The following GSE1 variants were observed in gnomAD, a reference collection of about 807,000 sequenced individuals.
The protein encoded by GSE1 is genetic suppressor element 1.
A neutral mutation model predicts 112.6 loss-of-function variants in GSE1; 32 were observed. The ratio of observed to expected loss-of-function variants is 0.28; its 90% CI spans 0.21 to 0.38. The LOEUF is 0.38. Ranked by LOEUF, GSE1 falls within the 10% of genes least tolerant of loss-of-function variation. GSE1 has a pLI of 1.00. For missense variants in GSE1, 2,348 were observed against 1,699.2 expected (o/e 1.38, Z -6.71); for synonymous variants, 1,115 against 735.6 (o/e 1.52, Z -8.35).
intron 2 of GSE1, among the ~76,000 whole-genome samples, chr16:85,637,021 A>C (rs2050060819): frequency 6.6e-6 from 1 of 152,182 alleles, no homozygotes; most frequent in East Asian, 1.9e-4. Context: ...TGCATTTCTT[A>C]TTTAAAATTT....
intron 8 of GSE1, among the ~76,000 whole-genome samples, chr16:85,659,850 G>C (rs2052286673): frequency 6.6e-6 from 1 of 152,242 alleles, no homozygotes; most frequent in South Asian, 2.1e-4. Context: ...GCAGGCCTTA[G>C]CCTGGGTCCT....
intron 1 of GSE1, among the ~76,000 whole-genome samples, chr16:85,235,839 C>A (rs923121240): frequency 6.6e-6 from 1 of 151,992 alleles, no homozygotes; most frequent in Non-Finnish European, 1.5e-5. Context: ...ACCTTACGGG[C>A]GCCGGGGCAG....
intron 1 of GSE1, among the ~76,000 whole-genome samples, chr16:85,337,454 C>T (rs865878527): frequency 6.6e-5 from 10 of 151,758 alleles, no homozygotes; most frequent in South Asian, 2.1e-4. Flanking sequence ...TACAGGCGCC[C>T]GCCACCACGC....
At chr16:85,529,842 G>C (rs1255504639) in intron 2 of GSE1, among the ~76,000 whole-genome samples, 7 of 152,224 alleles carry the variant, frequency 4.6e-5, no homozygotes, top group Non-Finnish European at 1.0e-4. Context: ...AGAATGCTAG[G>C]CAGCTGGGAG....
chr16:85,515,935 C>T (rs2051919503), intron 2 of GSE1, among the ~76,000 whole-genome samples: 1 of 152,204 alleles, frequency 6.6e-6, no homozygotes, highest in Admixed American at 6.5e-5. Context: ...CTCCACTCTG[C>T]TGTCACAGCA....
chr16:85,543,337 G>A (rs1194874726), intron 2 of GSE1, among the ~76,000 whole-genome samples: 1 of 152,196 alleles, frequency 6.6e-6, no homozygotes, highest in Non-Finnish European at 1.5e-5. Flanking sequence ...CAGAGGGAAG[G>A]CTAAGTCATA....
At chr16:85,374,531 T>TGG (rs2047375984) in intron 2 of GSE1, among the ~76,000 whole-genome samples, 1 of 20,184 alleles carries the variant, frequency 5.0e-5, no homozygotes, top group Admixed American at 1.1e-3. Flanking sequence ...TGTGCGTGTG[T>TGG]GTGTGTGTGT....
chr16:85,204,287 A>G (rs1174129639), intron 1 of GSE1, among the ~76,000 whole-genome samples: 2 of 152,206 alleles, frequency 1.3e-5, no homozygotes, highest in Non-Finnish European at 2.9e-5. Flanking sequence ...CCTGAACTTC[A>G]TTCTTCCTAT....
chr16:85,236,251 C>A (rs1257838213), intron 1 of GSE1, among the ~76,000 whole-genome samples: 11 of 152,172 alleles, frequency 7.2e-5, no homozygotes, highest in Admixed American at 7.2e-4. Context: ...AGGGCCGGGT[C>A]CTAGGGCACC....
At chr16:85,528,314 T>C (rs1018391900) in intron 2 of GSE1, among the ~76,000 whole-genome samples, 1 of 124,052 alleles carries the variant, frequency 8.1e-6, no homozygotes, top group Non-Finnish European at 1.6e-5. Flanking sequence ...GGGGTTGTTT[T>C]TGTTTGTTTG....
At chr16:85,611,508 G>C, upstream of GSE1, 1 of 982,596 alleles carries the variant, frequency 1.0e-6, no homozygotes, top group African/African-American at 1.7e-5. Flanking sequence ...CCCGCGCCGT[G>C]CCAGGGCCGG....
intron 1 of GSE1, among the ~76,000 whole-genome samples, chr16:85,260,995 A>G (rs1316073232): frequency 6.6e-6 from 1 of 152,158 alleles, no homozygotes; most frequent in Non-Finnish European, 1.5e-5. Flanking sequence ...GGGAGGGGGC[A>G]TTCAGCCTGG....
At chr16:85,500,597 C>T (rs2051327265) in intron 2 of GSE1, among the ~76,000 whole-genome samples, 1 of 152,232 alleles carries the variant, frequency 6.6e-6, no homozygotes. Context: ...GCAGAGGGCA[C>T]CCGAGTGGGG....
intron 2 of GSE1, among the ~76,000 whole-genome samples, chr16:85,645,892 C>G (rs960984990): frequency 6.6e-6 from 1 of 150,626 alleles, no homozygotes; most frequent in South Asian, 2.1e-4. Flanking sequence ...ATGCATTCTA[C>G]CATGCTTCTA....
intron 1 of GSE1, among the ~76,000 whole-genome samples, chr16:85,606,400 C>G (rs751577668): frequency 6.6e-6 from 1 of 152,212 alleles, no homozygotes; most frequent in Non-Finnish European, 1.5e-5. Flanking sequence ...TGTAGTGATG[C>G]CAGCCTGCAG....
At chr16:85,449,804 G>A (rs964209669) in intron 2 of GSE1, among the ~76,000 whole-genome samples, 1 of 152,176 alleles carries the variant, frequency 6.6e-6, no homozygotes, top group African/African-American at 2.4e-5. Flanking sequence ...CAAAATAGAA[G>A]GGTTGCATTT....
At chr16:85,471,364 G>A (rs923121509) in intron 2 of GSE1, among the ~76,000 whole-genome samples, 2 of 152,150 alleles carry the variant, frequency 1.3e-5, no homozygotes, top group African/African-American at 4.8e-5. Flanking sequence ...TGGTTGCATG[G>A]TACCATAGGT....
chr16:85,498,692 TG>T (rs1567538446), intron 2 of GSE1, among the ~76,000 whole-genome samples: 7 of 152,196 alleles, frequency 4.6e-5, no homozygotes, highest in Non-Finnish European at 7.3e-5. Context: ...CAGCACACAG[TG>T]GTGGCTGTGA....
chr16:85,446,720 C>G (rs1047985465), intron 2 of GSE1, among the ~76,000 whole-genome samples: 1 of 152,174 alleles, frequency 6.6e-6, no homozygotes, highest in Non-Finnish European at 1.5e-5. Flanking sequence ...AACGGAGGAA[C>G]AAGGGAAGAG....
Sources: allele counts gnomAD v4.1 joint callset (sites outside exome capture counted in the v4.1 genomes callset), GRCh38; gene constraint gnomAD v4.1.1; transcripts MANE v1.5; gene names NCBI Gene and HGNC (gene_info 2026-07-23, HGNC 2026-07-21).